Variants in USH2A observed in about 807,000 individuals in gnomAD.
The protein encoded by USH2A is usherin.
Under a neutral mutation model 538.9 loss-of-function variants are expected in USH2A, and 443 were observed. That is an observed-to-expected ratio of 0.82 (90% CI 0.76 to 0.89). The LOEUF (loss-of-function observed/expected upper bound fraction) is 0.89, where lower values mean the gene tolerates loss of function less well. Among genes scored for constraint, USH2A ranks in the 40% least tolerant of loss-of-function variants. USH2A has a pLI of 0.00. For synonymous variants in USH2A, 2,413 were observed against 2,273.5 expected, an observed-to-expected ratio of 1.06 and a Z score of -1.75; for missense variants, 6,633 against 6,324.8, an observed-to-expected ratio of 1.05 and a Z score of -1.65.
chr1:215,801,024 G>GA (rs975910864), intron 49 of USH2A, among the ~76,000 whole-genome samples: 4 of 150,948 alleles, frequency 2.6e-5, no homozygotes, highest in Non-Finnish European at 5.9e-5. Context: ...GAACAAAGGG[G>GA]AAAAAAAAGA....
chr1:216,266,763 G>C (rs2168924), intron 11 of USH2A, among the ~76,000 whole-genome samples: 11 of 151,748 alleles, frequency 7.2e-5, no homozygotes, highest in Non-Finnish European at 8.8e-5. Flanking sequence ...TAGCAAAGAC[G>C]TCAGCATGAG....
chr1:216,134,446 G>A (rs1468285738), intron 21 of USH2A, among the ~76,000 whole-genome samples: 1 of 152,014 alleles, frequency 6.6e-6, no homozygotes, highest in Non-Finnish European at 1.5e-5. Flanking sequence ...CAGAATAAGG[G>A]ATGTCATCTT....
chr1:216,409,029 G>A (rs1322327906), intron 3 of USH2A, among the ~76,000 whole-genome samples: 1 of 152,148 alleles, frequency 6.6e-6, no homozygotes, highest in Non-Finnish European at 1.5e-5. Context: ...ACAACAGAAA[G>A]CAAAGCCAAG....
chr1:216,145,935 T>C (rs1330253395), intron 21 of USH2A, among the ~76,000 whole-genome samples: 2 of 151,986 alleles, frequency 1.3e-5, no homozygotes, highest in Admixed American at 6.5e-5. Context: ...GGCCCCACCC[T>C]TATCTCCCTT....
At chr1:215,953,705 T>C (rs1666990403) in intron 37 of USH2A, among the ~76,000 whole-genome samples, 1 of 151,962 alleles carries the variant, frequency 6.6e-6, no homozygotes, top group African/African-American at 2.4e-5. Context: ...AAGCCATAAT[T>C]GACAAATGGG....
intron 69 of USH2A, 26 bp downstream of exon 69, chr1:215,639,129 C>G (rs372340773): frequency 1.9e-6 from 3 of 1,608,594 alleles, no homozygotes; most frequent in Non-Finnish European, 2.6e-6. Flanking sequence ...ATAGGTGCTA[C>G]GCCAAGTATA....
intron 37 of USH2A, among the ~76,000 whole-genome samples, chr1:215,949,526 G>T (rs1666858378): frequency 6.6e-6 from 1 of 151,862 alleles, no homozygotes; most frequent in Non-Finnish European, 1.5e-5. Context: ...AGATACAAAT[G>T]TATTTTCTAA....
chr1:216,097,291 T>C, intron 21 of USH2A, 78 bp from the exon 22 acceptor site: 2 of 1,610,084 alleles, frequency 1.2e-6, no homozygotes, highest in East Asian at 4.5e-5. Flanking sequence ...TTTACTTTCA[T>C]TATTATTTAT....
At chr1:216,176,570 A>C (rs1319834847) in intron 20 of USH2A, among the ~76,000 whole-genome samples, 1 of 152,112 alleles carries the variant, frequency 6.6e-6, no homozygotes, top group African/African-American at 2.4e-5. Context: ...ATTTTCATTC[A>C]AAGTACATAG....
At chr1:215,811,843 T>A (rs1290117441) in intron 49 of USH2A, among the ~76,000 whole-genome samples, 1 of 148,690 alleles carries the variant, frequency 6.7e-6, no homozygotes, top group East Asian at 2.0e-4. Flanking sequence ...GAGGTGGAGG[T>A]TGCAGTGAGC....
chr1:216,056,142 G>C (rs1215116936), intron 30 of USH2A, among the ~76,000 whole-genome samples: 2 of 152,114 alleles, frequency 1.3e-5, no homozygotes, highest in African/African-American at 4.8e-5. Flanking sequence ...CAATGCCTTT[G>C]TGGTAAGAAC....
chr1:216,384,051 A>G (rs190894933), intron 3 of USH2A, among the ~76,000 whole-genome samples: 1 of 151,432 alleles, frequency 6.6e-6, no homozygotes, highest in East Asian at 1.9e-4. Flanking sequence ...TTTTACCTAC[A>G]AATTTTATTC....
intron 48 of USH2A, among the ~76,000 whole-genome samples, chr1:215,815,805 T>G (rs1662844545): frequency 6.6e-6 from 1 of 152,060 alleles, no homozygotes; most frequent in South Asian, 2.1e-4. Context: ...TTACTCTACT[T>G]AGCTTTGATT....
intron 69 of USH2A, among the ~76,000 whole-genome samples, 177 bp downstream of exon 69, chr1:215,638,977 CA>C (rs1334256899): frequency 2.7e-5 from 3 of 110,848 alleles, no homozygotes; most frequent in South Asian, 3.1e-4. Flanking sequence ...GACTCCGTCT[CA>C]AAAAAAAACA....
At chr1:216,192,904 A>C (rs2102657810) in intron 19 of USH2A, among the ~76,000 whole-genome samples, 1 of 152,280 alleles carries the variant, frequency 6.6e-6, no homozygotes, top group East Asian at 1.9e-4. Flanking sequence ...GTCAATATTT[A>C]TCAGGCTCTT....
intron 30 of USH2A, among the ~76,000 whole-genome samples, chr1:216,066,007 G>T (rs1379491987): frequency 1.3e-5 from 2 of 152,098 alleles, no homozygotes; most frequent in African/African-American, 4.8e-5. Flanking sequence ...AATCTCTCTA[G>T]TAATCACATA....
intron 43 of USH2A, among the ~76,000 whole-genome samples, chr1:215,875,489 A>G (rs1051612879): frequency 2.0e-5 from 3 of 152,114 alleles, no homozygotes; most frequent in Non-Finnish European, 2.9e-5. Context: ...TCATGTTTCA[A>G]TTTAAGTTGT....
At chr1:216,377,560 G>A (rs2038845418) in intron 3 of USH2A, among the ~76,000 whole-genome samples, 1 of 151,664 alleles carries the variant, frequency 6.6e-6, no homozygotes, top group Non-Finnish European at 1.5e-5. Context: ...ACTTCATACT[G>A]GTAATTACTC....
chr1:216,416,102 G>T (rs2039572819), intron 3 of USH2A, among the ~76,000 whole-genome samples: 1 of 152,036 alleles, frequency 6.6e-6, no homozygotes, highest in South Asian at 2.1e-4. Context: ...GGAGACGGAG[G>T]TTGCAGTGAG....
Sources: gnomAD v4.1 joint callset for allele counts (sites outside exome capture counted in the v4.1 genomes callset) on GRCh38, gnomAD v4.1.1 for gene constraint, MANE v1.5 for transcripts, NCBI Gene and HGNC (gene_info 2026-07-23, HGNC 2026-07-21) for gene names.